ABHD6: variants seen among roughly 807,000 people sequenced by gnomAD.
ABHD6 encodes the protein abhydrolase domain containing 6, acylglycerol lipase.
A neutral mutation model predicts 38.8 loss-of-function variants in ABHD6; 33 were observed. The ratio of observed to expected loss-of-function variants is 0.85; its 90% CI spans 0.64 to 1.14. The LOEUF (loss-of-function observed/expected upper bound fraction) is 1.14, where lower values mean the gene tolerates loss of function less well. Among genes scored for constraint, ABHD6 ranks in the 50% most tolerant of loss-of-function variants. The pLI, the probability that ABHD6 is intolerant of heterozygous loss-of-function variation, is 0.00. For missense variants in ABHD6, 380 were observed against 422.6 expected (o/e 0.90, Z 0.88); for synonymous variants, 147 against 161.6 (o/e 0.91, Z 0.69).
intron 7 of ABHD6, among the ~76,000 whole-genome samples, chr3:58,279,385 TTTAAAGTC>T: frequency 6.6e-6 from 1 of 152,178 alleles, no homozygotes; most frequent in South Asian, 2.1e-4. Context: ...TCTTTGTTGG[TTTAAAGTC>T]TGTTTTATCA....
At chr3:58,291,978 G>A (rs2097463403) in intron 9 of ABHD6, among the ~76,000 whole-genome samples, 1 of 152,210 alleles carries the variant, frequency 6.6e-6, no homozygotes, top group Admixed American at 6.5e-5. Context: ...ACTCAGTTGG[G>A]AGTTTCCACT....
In ABHD6 at chr3:58,273,308, C is replaced by T. The variant is rs939268914; in HGVS notation, c.524-1350C>T. Among the ~76,000 whole-genome samples the T allele has an allele frequency of 6.6e-6, 1 of 151,882 alleles. No individual in the cohort carries two copies. The highest frequency in any genetic ancestry group is 2.4e-5 in the African/African-American group (1 of 41,326). On this transcript the variant is annotated intron_variant, in intron 6 of 9. Transcript: ENST00000478253. This position sits in a 1 kb window ranked among gnomAD's most constrained non-coding sequence, Gnocchi z 4.8. ...GGTGAGGTAGCTCACACCTGTAATC[C>T]CAACACTTTGGGAGGCTAAGAGAGG...
At position 58,274,802 on chromosome 3, in the gene ABHD6, A is replaced by G. The variant is rs1209513326; in HGVS notation, c.668A>G (p.Lys223Arg). ...CAGCTCTGCTCCTATGTCCGCTTCA[A>G]GGTGCCCCAGCAGGTAACGTGGTTG... Reference protein sequence around the residue: ...MLQLCSYVRFKVPQQILQGLV... With the variant: ...MLQLCSYVRFRVPQQILQGLV... The change falls in exon 7 of 10, where the codon AAG becomes AGG. Residue 223 changes from lysine (K) to arginine (R), a missense_variant. By Grantham distance (26) the Lys-to-Arg change is conservative. Coordinates refer to ENST00000478253, the MANE Select transcript of ABHD6 (RefSeq NM_001320126.2). 5 of 1,613,780 alleles carry G rather than the reference A, an allele frequency of 3.1e-6. No individual in the cohort carries two copies. Among genetic ancestry groups the G allele is most frequent in the Non-Finnish European group, 4.2e-6 (5 of 1,179,904 alleles).
chr3:58,289,969 G>T (rs550942780), intron 9 of ABHD6, among the ~76,000 whole-genome samples: 75 of 140,628 alleles, frequency 5.3e-4, no homozygotes, highest in African/African-American at 2.1e-3. Context: ...CCTCCCGGAC[G>T]AGGCGGCTGG....
At position 58,269,450 on chromosome 3, in the gene ABHD6, T is replaced by C; in HGVS notation, c.390+16T>C. 1 of 1,589,328 alleles carries C rather than the reference T, an allele frequency of 6.3e-7. No homozygotes were observed. Among genetic ancestry groups the C allele is most frequent in the Non-Finnish European group, 8.6e-7 (1 of 1,158,620 alleles). On this transcript the variant is annotated intron_variant, in intron 5 of 9. Transcript: ENST00000478253. The surrounding 1 kb of genome is among the most constrained non-coding windows in gnomAD (Gnocchi z 4.4). ...GATACACCAGGTAAGCAGGAGGCTC[T>C]ACCAAAGATTGCCCAGACTGTCTCA...
At chr3:58,292,220 C>T (rs2097463776) in intron 9 of ABHD6, among the ~76,000 whole-genome samples, 1 of 152,176 alleles carries the variant, frequency 6.6e-6, no homozygotes, top group African/African-American at 2.4e-5. Context: ...ACTGAGGCAT[C>T]GTCTTACCTT....
intron 1 of ABHD6, among the ~76,000 whole-genome samples, chr3:58,243,457 A>G (rs1005974482): frequency 2.0e-5 from 3 of 152,152 alleles, no homozygotes; most frequent in Non-Finnish European, 4.4e-5. Context: ...GGAAAGTCTA[A>G]GTGAAGGAGA....
At chr3:58,282,746 C>CAACAAA (rs1290928961) in intron 7 of ABHD6, among the ~76,000 whole-genome samples, 1 of 151,936 alleles carries the variant, frequency 6.6e-6, no homozygotes, top group African/African-American at 2.4e-5. Flanking sequence ...AAAAAAACAA[C>CAACAAA]AACAAAAACA....
Position 58,263,767 on chromosome 3 carries a change from T to C in ABHD6, c.120-3422T>C, listed in dbSNP as rs775170297. On this transcript the variant is annotated intron_variant, in intron 3 of 9. Transcript: ENST00000478253. This position sits in a 1 kb window ranked among gnomAD's most constrained non-coding sequence, Gnocchi z 4.9. The stretch of plus-strand genomic sequence containing the variant: ...CACACTGTACTTTGTATGAGAGTTA[T>C]AGAGAATTTGATGATTATAAAAACG... Among the ~76,000 whole-genome samples the C allele has an allele frequency of 1.9e-4, 29 of 152,282 alleles. No individual in the cohort carries two copies. Among genetic ancestry groups the C allele is most frequent in the African/African-American group, 3.4e-4 (14 of 41,568 alleles).
chr3:58,288,064 A>G (rs1003218626), intron 9 of ABHD6, among the ~76,000 whole-genome samples: 1 of 152,174 alleles, frequency 6.6e-6, no homozygotes, highest in Admixed American at 6.5e-5. Context: ...AAAGAGCCTA[A>G]CATTCTATGG....
chr3:58,279,119 G>T (rs901071461), intron 7 of ABHD6, among the ~76,000 whole-genome samples: 1 of 152,172 alleles, frequency 6.6e-6, no homozygotes, highest in South Asian at 2.1e-4. Context: ...TATTAGGTCT[G>T]CTTGGTGCAG....
Position 58,274,712 on chromosome 3 carries a change from G to T in ABHD6, c.578G>T (p.Gly193Val). 6.2e-7 allele frequency: 1 copy of T among 1,614,238 alleles called. No homozygotes were observed. Among genetic ancestry groups the T allele is most frequent in the Non-Finnish European group, 8.5e-7 (1 of 1,180,048 alleles). Residue 193 changes from glycine to valine, a missense_variant, in exon 7 of 10, where the codon GGC becomes GTC. Coordinates refer to ENST00000478253, the MANE Select transcript of ABHD6 (RefSeq NM_001320126.2). ...GTACAACGGCTCAAAGAACTGCAGG[G>T]CTCTGCCGCCGTGGAGAAGATTCCC... ...QFVQRLKELQ[G>V]SAAVEKIPLI...
chr3:58,265,603 C>A lies in ABHD6; in HGVS notation c.120-1586C>A, dbSNP rs2097440380. Among the ~76,000 whole-genome samples, 1 of 152,166 alleles carries A rather than the reference C, an allele frequency of 6.6e-6. No individual in the cohort carries two copies. The highest frequency in any genetic ancestry group is 1.5e-5 in the Non-Finnish European group (1 of 68,036). ...TATTCTTAGTGGAATGCAGCATTTCCTCATATTATAAGATTATATAGTTAG... is the reference window on the plus strand; with the variant it reads ...TATTCTTAGTGGAATGCAGCATTTCATCATATTATAAGATTATATAGTTAG... On this transcript the variant is annotated intron_variant, in intron 3 of 9. Transcript: ENST00000478253. This position sits in a 1 kb window ranked among gnomAD's most constrained non-coding sequence, Gnocchi z 4.2.
chr3:58,289,970 A>G (rs866403680), intron 9 of ABHD6, among the ~76,000 whole-genome samples: 96 of 105,982 alleles, frequency 9.1e-4, no homozygotes, highest in African/African-American at 1.3e-3. Flanking sequence ...CTCCCGGACG[A>G]GGCGGCTGGC....
At chr3:58,255,837 G>A (rs1002461363) in intron 2 of ABHD6, among the ~76,000 whole-genome samples, 10 of 151,004 alleles carry the variant, frequency 6.6e-5, no homozygotes, top group African/African-American at 2.4e-4. Context: ...TAGAGATGGG[G>A]TTTCATCATG....
chr3:58,245,942 T>C (rs1169805299), intron 1 of ABHD6, among the ~76,000 whole-genome samples: 12 of 152,248 alleles, frequency 7.9e-5, no homozygotes, highest in Admixed American at 7.2e-4. Context: ...GCTGAGGTTC[T>C]ATTTTTTCCA....
chr3:58,290,442 C>T (rs181594182), intron 9 of ABHD6, among the ~76,000 whole-genome samples: 15,860 of 86,638 alleles, frequency 0.18, 3,042 homozygotes, highest in African/African-American at 0.23. Flanking sequence ...CCTCACCTAC[C>T]GGATGGGGCG....
At chr3:58,240,022 C>T (rs1002263262) in intron 1 of ABHD6, among the ~76,000 whole-genome samples, 2 of 150,694 alleles carry the variant, frequency 1.3e-5, no homozygotes, top group Non-Finnish European at 3.0e-5. Context: ...AGTGGTGTTG[C>T]GTACCTGTAG....
rs375346308 is a variant in ABHD6 at position 58,247,436 on chromosome 3, C to T, written c.-90-2442C>T. On this transcript the variant is annotated intron_variant, in intron 1 of 9. Transcript: ENST00000478253. ...AGCATTTGACTTGTGGCTAGTGCAG[C>T]TGAAGATTCGAATTTTAAATTTTAT... 1.5e-4 allele frequency among the ~76,000 whole-genome samples: 23 copies of T among 152,248 alleles called. No homozygotes were observed. In the East Asian group the frequency reaches 4.4e-3, roughly 29 times the overall value.
Sources: allele counts gnomAD v4.1 joint callset (sites outside exome capture counted in the v4.1 genomes callset), GRCh38; gene constraint gnomAD v4.1.1; non-coding constraint Gnocchi (gnomAD v3.1); transcripts MANE v1.5; gene names NCBI Gene and HGNC (gene_info 2026-07-23, HGNC 2026-07-21).